The following IGSF9B variants were observed in gnomAD, a reference collection of about 807,000 sequenced individuals.
The protein encoded by IGSF9B is protein turtle homolog B.
A neutral mutation model predicts 143.7 loss-of-function variants in IGSF9B; 48 were observed. The ratio of observed to expected loss-of-function variants is 0.33; its 90% CI spans 0.26 to 0.42. IGSF9B has a LOEUF of 0.42. IGSF9B is among the 20% of genes least tolerant of loss of function. IGSF9B has a pLI of 1.00. For missense variants in IGSF9B, 1,706 were observed against 1,980.0 expected, an observed-to-expected ratio of 0.86 and a Z score of 2.63; for synonymous variants, 903 against 833.1, an observed-to-expected ratio of 1.08 and a Z score of -1.44.
At chr11:133,927,738 C>G (rs1939653602) in intron 12 of IGSF9B, among the ~76,000 whole-genome samples, 1 of 152,174 alleles carries the variant, frequency 6.6e-6, no homozygotes, top group Admixed American at 6.5e-5. Flanking sequence ...CTCCCAACTC[C>G]CAGCAAAGCC....
At chr11:133,937,771 G>C in intron 4 of IGSF9B, 39 bp downstream of exon 4, 1 of 1,594,370 alleles carries the variant, frequency 6.3e-7, no homozygotes, top group Non-Finnish European at 8.6e-7. Flanking sequence ...GGAAACGGGG[G>C]AAGAGACCGC....
rs757682388 is a variant in IGSF9B at position 133,952,104 on chromosome 11, G to A, written c.64+4587C>T. 2.9e-5 allele frequency: 13 copies of A among 453,070 alleles called. 2 individuals carry two copies. The highest frequency in any genetic ancestry group is 2.0e-4 in the South Asian group (13 of 64,226). The allele number at this position is 453,070 out of a possible 1,614,324, so 28.1% of individuals were successfully genotyped here. A position where few individuals can be genotyped will look rare whatever the true frequency, so the allele number is the denominator to read the frequency against. ...ACTCCTCCCAGCTCTGGCGCACTCGGACTCTTTCTCCAGAGCCCTCTTGGA... is the reference window on the plus strand; with the variant it reads ...ACTCCTCCCAGCTCTGGCGCACTCGAACTCTTTCTCCAGAGCCCTCTTGGA... On this transcript the variant is annotated intron_variant, in intron 1 of 19. Transcript: ENST00000533871.
Position 133,948,629 on chromosome 11 carries a change from GT to G in IGSF9B, c.65-2372del, listed in dbSNP as rs1300898921. Among the ~76,000 whole-genome samples the G allele has an allele frequency of 1.0e-4, 15 of 145,482 alleles. No homozygotes were observed. The highest frequency in any genetic ancestry group is 4.0e-4 in the African/African-American group (15 of 37,688). On this transcript the variant is annotated intron_variant, in intron 1 of 19. Coordinates refer to ENST00000533871, the MANE Select transcript of IGSF9B (RefSeq NM_001277285.4). The surrounding 1 kb of genome is among the most constrained non-coding windows in gnomAD (Gnocchi z 4.7). ...GTTTGCAGAGAAGCTGTGTGTGTGT[GT>G]GTGTGTGTGTGTGTGTGTGTGTGTG...
At position 133,903,224 on chromosome 11, in the gene IGSF9B, A is replaced by C. The variant is rs1321773464; in HGVS notation, c.*5845T>G. On this transcript the variant is annotated 3_prime_UTR_variant, in exon 20 of 20. Coordinates refer to ENST00000533871, the MANE Select transcript of IGSF9B (RefSeq NM_001277285.4). Reference sequence around the variant, plus strand: ...TGCCACAGAGAGGTAGGATTGGTGGAGCACACTTCTTCAAGACCCGAAAGA... The same window carrying C: ...TGCCACAGAGAGGTAGGATTGGTGGCGCACACTTCTTCAAGACCCGAAAGA... 4.6e-5 allele frequency among the ~76,000 whole-genome samples: 7 copies of C among 152,046 alleles called. No homozygotes were observed. In the East Asian group the frequency reaches 1.3e-3, roughly 29 times the overall value.
Position 133,921,331 on chromosome 11 carries a change from G to T in IGSF9B, c.2394C>A (p.Asp798Glu). The part of the protein sequence containing the change: ...RTLRAPSESS[D>E]DQGQPAAKRM... ...TCTTGGCCGCGGGCTGGCCCTGGTC[G>T]TCGGAGGATTCTGACGGCGCTCGGA... Residue 798 changes from aspartate to glutamate, a missense_variant, in exon 18 of 20, where the codon GAC (aspartate) becomes GAA (glutamate). Asp to Glu is a conservative substitution (Grantham distance 45). Around this residue, in one of 7 missense-constraint regions of IGSF9B, gnomAD observed 135 missense variants for 181.3 expected, o/e 0.74. Coordinates refer to ENST00000533871, the MANE Select transcript of IGSF9B (RefSeq NM_001277285.4). 6.3e-7 allele frequency: 1 copy of T among 1,592,876 alleles called. No homozygotes were observed. The highest frequency in any genetic ancestry group is 8.6e-7 in the Non-Finnish European group (1 of 1,168,400).
Position 133,925,942 on chromosome 11 carries a change from G to T in IGSF9B, c.1831C>A (p.Pro611Thr). The T allele has an allele frequency of 6.2e-7, 1 of 1,604,920 alleles. No individual in the cohort carries two copies. The highest frequency in any genetic ancestry group is 1.7e-5 in the Admixed American group (1 of 58,594). Reference protein sequence around the residue: ...TLAFPITTPEPLVLVTPPRCL... With the variant: ...TLAFPITTPETLVLVTPPRCL... Reference sequence around the variant, plus strand: ...CTCGGTGGGGTGACCAGCACCAGGGGTTCTGGAGTTGTAATAGGGAATGCT... The same window carrying T: ...CTCGGTGGGGTGACCAGCACCAGGGTTTCTGGAGTTGTAATAGGGAATGCT... Residue 611 changes from proline to threonine, a missense_variant, in exon 14 of 20, where the codon CCC (proline) becomes ACC (threonine). This residue lies in a region of IGSF9B where 267 missense variants were observed against 321.1 expected (regional missense o/e 0.83). Coordinates refer to ENST00000533871, the MANE Select transcript of IGSF9B (RefSeq NM_001277285.4).
chr11:133,931,388 G>T lies in IGSF9B; in HGVS notation c.1368+65C>A, dbSNP rs568096888. 1.3e-4 allele frequency: 155 copies of T among 1,212,614 alleles called. 1 individual carries two copies. The highest frequency in any genetic ancestry group is 1.7e-4 in the Non-Finnish European group (147 of 844,330). 75.1% of individuals were successfully genotyped at this position (1,212,614 alleles called of 1,614,324 possible). A position where few individuals can be genotyped will look rare whatever the true frequency, so the allele number is the denominator to read the frequency against. On this transcript the variant is annotated intron_variant, in intron 10 of 19. Coordinates refer to ENST00000533871, the MANE Select transcript of IGSF9B (RefSeq NM_001277285.4). The surrounding 1 kb of genome is among the most constrained non-coding windows in gnomAD (Gnocchi z 7.7). Reference sequence around the variant, plus strand: ...GCTCGCTGGGCCCTCAAACCTCCCCGCAGCCCCAGGGCTCCCTGGGCCCTC... The same window carrying T: ...GCTCGCTGGGCCCTCAAACCTCCCCTCAGCCCCAGGGCTCCCTGGGCCCTC...
chr11:133,925,850 G>A lies in IGSF9B; in HGVS notation c.1923C>T (p.Ser641=). 6.2e-7 allele frequency: 1 copy of A among 1,613,836 alleles called. No individual in the cohort carries two copies. The highest frequency in any genetic ancestry group is 8.5e-7 in the Non-Finnish European group (1 of 1,179,852). ...CCATGATGTAGCGGTCGATGGGAAA[G>A]CTGTGGTTGGCAGGCGGAAGCCAGG... The part of the protein sequence containing the change: ...LLSWLPPANH[S]FPIDRYIMEF... The change falls in exon 14 of 20, where the codon AGC becomes AGT. Residue 641 remains serine (S), a synonymous_variant. Transcript: ENST00000533871.
At chr11:133,914,272 C>T (rs1381509348) in intron 18 of IGSF9B, among the ~76,000 whole-genome samples, 1 of 152,090 alleles carries the variant, frequency 6.6e-6, no homozygotes, top group East Asian at 1.9e-4. Context: ...TCGAATCATC[C>T]AGTCATCGTG....
chr11:133,946,339 G>T, intron 1 of IGSF9B, 81 bp from the exon 2 acceptor site: 1 of 1,250,610 alleles, frequency 8.0e-7, no homozygotes, highest in Non-Finnish European at 1.1e-6. Context: ...CGTGTCACAG[G>T]GTCACCCCGC....
intron 3 of IGSF9B, 91 bp downstream of exon 3, chr11:133,944,129 G>A (rs1940000352): frequency 1.4e-6 from 2 of 1,395,070 alleles, no homozygotes; most frequent in Non-Finnish European, 1.9e-6. Flanking sequence ...GCAGTTGGGA[G>A]AAGGGCTTCC....
intron 18 of IGSF9B, among the ~76,000 whole-genome samples, chr11:133,915,727 C>T (rs992958337): frequency 3.9e-5 from 6 of 152,202 alleles, no homozygotes; most frequent in Non-Finnish European, 7.3e-5. Flanking sequence ...CTTAGCTCAG[C>T]GCCCAGGAGC....
chr11:133,921,033 C>A lies in IGSF9B; in HGVS notation c.2692G>T (p.Asp898Tyr). The change falls in exon 18 of 20, where the codon GAC (aspartate) becomes TAC (tyrosine). Residue 898 changes from aspartate to tyrosine, a missense_variant. By Grantham distance (160) the Asp-to-Tyr change is radical. Coordinates refer to ENST00000533871, the MANE Select transcript of IGSF9B (RefSeq NM_001277285.4). ...EFRQSDEENE[D>Y]PLVPTSVAAL... Reference sequence around the variant, plus strand: ...GCCACAGATGTGGGCACCAGTGGGTCCTCGTTCTCCTCGTCCGACTGGCGG... The same window carrying A: ...GCCACAGATGTGGGCACCAGTGGGTACTCGTTCTCCTCGTCCGACTGGCGG... 6.2e-7 allele frequency: 1 copy of A among 1,613,690 alleles called. No individual in the cohort carries two copies. The highest frequency in any genetic ancestry group is 1.3e-5 in the African/African-American group (1 of 75,050).
chr11:133,935,610 T>C lies in IGSF9B; in HGVS notation c.967+7A>G, dbSNP rs1939807635. ...CACCACCCAGGCTCCCCTGCACCCC[T>C]ACTCACACTGCACGGTCAGGTACGC... On this transcript the variant is annotated splice_region_variant and intron_variant, in intron 7 of 19. Coordinates refer to ENST00000533871, the MANE Select transcript of IGSF9B (RefSeq NM_001277285.4). The C allele has an allele frequency of 1.9e-6, 3 of 1,608,224 alleles. No homozygotes were observed. Among genetic ancestry groups the C allele is most frequent in the Non-Finnish European group, 1.7e-6 (2 of 1,177,912 alleles).
Position 133,921,084 on chromosome 11 carries a change from C to G in IGSF9B, c.2641G>C (p.Glu881Gln). The G allele has an allele frequency of 6.2e-7, 1 of 1,613,878 alleles. No individual in the cohort carries two copies. The highest frequency in any genetic ancestry group is 8.5e-7 in the Non-Finnish European group (1 of 1,179,864). Residue 881 changes from glutamate (E) to glutamine (Q), a missense_variant, in exon 18 of 20, where the codon GAG becomes CAG. Coordinates refer to ENST00000533871, the MANE Select transcript of IGSF9B (RefSeq NM_001277285.4). Reference sequence around the variant, plus strand: ...AACTCGGGGTACATGTCCGTCTCCTCGGCGAAGGGGAAGCCCTCGATGCGC... The same window carrying G: ...AACTCGGGGTACATGTCCGTCTCCTGGGCGAAGGGGAAGCCCTCGATGCGC... ...SRRIEGFPFA[E>Q]ETDMYPEFRQ...
In IGSF9B at chr11:133,932,183, A is replaced by T; in HGVS notation, c.998T>A (p.Val333Glu). 1 of 1,589,694 alleles carries T rather than the reference A, an allele frequency of 6.3e-7. No homozygotes were observed. The highest frequency in any genetic ancestry group is 8.6e-7 in the Non-Finnish European group (1 of 1,167,952). ...ATGGATCCCCACGGGCACGTAAATC[A>T]CAGGGGGCATGTTGAGGACACGCGC... ...YPARVLNMPP[V>E]IYVPVGIHGY... Residue 333 changes from valine (V) to glutamate (E), a missense_variant, in exon 8 of 20, where the codon GTG (valine) becomes GAG (glutamate). Val to Glu is a moderately radical substitution (Grantham distance 121). Coordinates refer to ENST00000533871, the MANE Select transcript of IGSF9B (RefSeq NM_001277285.4).
rs1939842149 is a variant in IGSF9B at position 133,937,268 on chromosome 11, C to A, written c.679+108G>T. 4 of 762,040 alleles carry A rather than the reference C, an allele frequency of 5.2e-6. No individual in the cohort carries two copies. In the Admixed American group the frequency reaches 9.8e-5, roughly 19 times the overall value. 47.2% of individuals were successfully genotyped at this position (762,040 alleles called of 1,614,324 possible). A position where few individuals can be genotyped will look rare whatever the true frequency, so the allele number is the denominator to read the frequency against. On this transcript the variant is annotated intron_variant, in intron 5 of 19. Coordinates refer to ENST00000533871, the MANE Select transcript of IGSF9B (RefSeq NM_001277285.4). ...GCACAGGTCCTCATGGCCGCCTGCA[C>A]CTCCACTAGCCCCAGCTGAGCCCTG...
intron 18 of IGSF9B, 101 bp downstream of exon 18, chr11:133,919,641 A>AGCCCTGTCGCC (rs1261792019): frequency 5.2e-6 from 4 of 775,818 alleles, no homozygotes; most frequent in South Asian, 3.9e-5. Flanking sequence ...TGTCCGCACG[A>AGCCCTGTCGCC]GCCCTGTCGC....
At chr11:133,947,708 T>TTC (rs112387633) in intron 1 of IGSF9B, among the ~76,000 whole-genome samples, 20,301 of 134,754 alleles carry the variant, frequency 0.15, 2,153 homozygotes, top group African/African-American at 0.31. Flanking sequence ...TCTGTGTTTG[T>TTC]TCTCTCTCTC....
Sources: gnomAD v4.1 joint callset for allele counts (sites outside exome capture counted in the v4.1 genomes callset) on GRCh38, gnomAD v4.1.1 for gene constraint, gnomAD v4.1.1 regional missense constraint, Gnocchi (gnomAD v3.1) non-coding constraint, MANE v1.5 for transcripts, NCBI Gene and HGNC (gene_info 2026-07-23, HGNC 2026-07-21) for gene names.